ERBB4: variants seen among roughly 807,000 people sequenced by gnomAD.
ERBB4 encodes receptor tyrosine-protein kinase erbB-4.
A neutral mutation model predicts 158.0 loss-of-function variants in ERBB4; 42 were observed. The ratio of observed to expected loss-of-function variants is 0.27; its 90% CI spans 0.21 to 0.34. The LOEUF (loss-of-function observed/expected upper bound fraction) is 0.34. Among genes scored for constraint, ERBB4 ranks in the 10% least tolerant of loss-of-function variants. The pLI is 1.00. For missense variants in ERBB4, 1,333 were observed against 1,624.1 expected (o/e 0.82, Z 3.08); for synonymous variants, 583 against 558.7 (o/e 1.04, Z -0.61).
intron 4 of ERBB4, among the ~76,000 whole-genome samples, chr2:211,755,602 A>G (rs1203462013): frequency 2.0e-5 from 3 of 152,244 alleles, no homozygotes; most frequent in South Asian, 2.1e-4. Flanking sequence ...TGCTTTCACA[A>G]TGCATTATTC....
intron 4 of ERBB4, among the ~76,000 whole-genome samples, chr2:211,782,002 G>A (rs1217519912): frequency 1.3e-5 from 2 of 152,086 alleles, no homozygotes; most frequent in Non-Finnish European, 1.5e-5. Context: ...CCTGGCCCAG[G>A]TACGCTATTC....
At chr2:212,440,726 T>C (rs1157182713) in intron 1 of ERBB4, among the ~76,000 whole-genome samples, 1 of 152,170 alleles carries the variant, frequency 6.6e-6, no homozygotes, top group Non-Finnish European at 1.5e-5. Flanking sequence ...TTTAGAGAGT[T>C]ATGCAAAATA....
intron 1 of ERBB4, among the ~76,000 whole-genome samples, chr2:212,434,464 AAC>A (rs2092094672): frequency 6.6e-6 from 1 of 152,032 alleles, no homozygotes; most frequent in East Asian, 1.9e-4. Flanking sequence ...AGAACTAAGT[AAC>A]ACATATTTTT....
At chr2:211,476,948 AT>A (rs1266732909) in intron 20 of ERBB4, among the ~76,000 whole-genome samples, 4 of 152,084 alleles carry the variant, frequency 2.6e-5, no homozygotes, top group Non-Finnish European at 5.9e-5. Flanking sequence ...GGATAAACCT[AT>A]ATGTGATGGC....
In ERBB4 at chr2:211,773,941, T is replaced by C. The variant is rs904919601; in HGVS notation, c.556+14084A>G. Among the ~76,000 whole-genome samples the C allele has an allele frequency of 3.3e-5, 5 of 152,060 alleles. 1 individual carries two copies. Among genetic ancestry groups the C allele is most frequent in the Admixed American group, 6.6e-5 (1 of 15,264 alleles). ...TGTAAACCCTATTGTCGATATGGAC[T>C]CTAGAACAGGATTGTGCTGTTATCC... On this transcript the variant is annotated intron_variant, in intron 4 of 27. Coordinates refer to ENST00000342788, the MANE Select transcript of ERBB4 (RefSeq NM_005235.3).
rs182594491 is a variant in ERBB4 at position 212,100,396 on chromosome 2, C to A, written c.234+24356G>T. Among the ~76,000 whole-genome samples the A allele has an allele frequency of 1.5e-3, 222 of 152,270 alleles. 2 individuals are homozygous for A. The highest frequency in any genetic ancestry group is 1.5e-3 in the Non-Finnish European group (105 of 68,002). ...AAATTGTTCTCCCTTATCACTATAC[C>A]TGATACAAGAAATAAATAGCATTTT... is the stretch of plus-strand genomic sequence containing the variant. On this transcript the variant is annotated intron_variant, in intron 2 of 27. Transcript: ENST00000342788.
chr2:211,479,569 A>AT (rs2065033651), intron 20 of ERBB4, among the ~76,000 whole-genome samples: 2 of 152,100 alleles, frequency 1.3e-5, no homozygotes, highest in African/African-American at 4.8e-5. Context: ...TAAAATAAAT[A>AT]TTTTCTTCCT....
chr2:211,572,042 T>C (rs1474071314), intron 19 of ERBB4, among the ~76,000 whole-genome samples: 1 of 152,216 alleles, frequency 6.6e-6, no homozygotes, highest in Non-Finnish European at 1.5e-5. Context: ...TTGTATCTAA[T>C]AATTTGCCAA....
chr2:212,327,164 AAC>A (rs1355477806), intron 1 of ERBB4, among the ~76,000 whole-genome samples: 1 of 150,670 alleles, frequency 6.6e-6, no homozygotes, highest in African/African-American at 2.4e-5. Context: ...TTACATGATA[AAC>A]ACTCATTAAA....
chr2:211,611,459 T>TTTC (rs1206531465), intron 19 of ERBB4, among the ~76,000 whole-genome samples: 4 of 39,686 alleles, frequency 1.0e-4, no homozygotes, highest in Admixed American at 2.8e-4. Flanking sequence ...TGAGTCTTGC[T>TTTC]GCCACACACT....
At chr2:212,213,156 C>T (rs1043291879) in intron 1 of ERBB4, among the ~76,000 whole-genome samples, 1 of 151,660 alleles carries the variant, frequency 6.6e-6, no homozygotes, top group African/African-American at 2.4e-5. Context: ...AAAATTTTTG[C>T]AATCTACCCA....
At chr2:211,478,807 G>A (rs1574569608) in intron 20 of ERBB4, among the ~76,000 whole-genome samples, 1 of 151,896 alleles carries the variant, frequency 6.6e-6, no homozygotes, top group Admixed American at 6.6e-5. Context: ...ATGTACTAAT[G>A]GTAACATCCT....
At chr2:212,023,096 A>T (rs1342890959) in intron 2 of ERBB4, among the ~76,000 whole-genome samples, 4 of 152,116 alleles carry the variant, frequency 2.6e-5, no homozygotes, top group African/African-American at 9.7e-5. Context: ...ATATCTGCCT[A>T]GGGAGTATAG....
At chr2:212,015,126 C>A (rs2076498618) in intron 2 of ERBB4, among the ~76,000 whole-genome samples, 6 of 127,582 alleles carry the variant, frequency 4.7e-5, no homozygotes, top group African/African-American at 1.2e-4. Flanking sequence ...ATTAGCCGGG[C>A]ATGGTGGCGG....
At chr2:211,749,106 C>G (rs2075055394) in intron 5 of ERBB4, among the ~76,000 whole-genome samples, 1 of 152,016 alleles carries the variant, frequency 6.6e-6, no homozygotes, top group African/African-American at 2.4e-5. Flanking sequence ...TTCATCTAAC[C>G]CTTTGACAAA....
At chr2:212,161,150 T>G (rs1376371286) in intron 1 of ERBB4, among the ~76,000 whole-genome samples, 1 of 151,774 alleles carries the variant, frequency 6.6e-6, no homozygotes, top group African/African-American at 2.4e-5. Context: ...CAATAACAAC[T>G]CAAAAAGTCT....
At chr2:212,110,067 C>T (rs888136168) in intron 2 of ERBB4, among the ~76,000 whole-genome samples, 1 of 152,150 alleles carries the variant, frequency 6.6e-6, no homozygotes, top group South Asian at 2.1e-4. Flanking sequence ...CCCACTGCTT[C>T]ACAGGGGTAG....
chr2:212,263,148 G>A (rs978758790), intron 1 of ERBB4, among the ~76,000 whole-genome samples: 3 of 152,124 alleles, frequency 2.0e-5, no homozygotes, highest in African/African-American at 7.2e-5. Flanking sequence ...TACAAGCCAA[G>A]GAATGGCAAG....
intron 20 of ERBB4, among the ~76,000 whole-genome samples, chr2:211,493,156 G>A (rs1257957482): frequency 1.3e-5 from 2 of 152,072 alleles, no homozygotes; most frequent in African/African-American, 2.4e-5. Flanking sequence ...TAGTTGCTTC[G>A]AACCATTTTT....
Sources: allele counts gnomAD v4.1 joint callset (sites outside exome capture counted in the v4.1 genomes callset), GRCh38; gene constraint gnomAD v4.1.1; transcripts MANE v1.5; gene names NCBI Gene and HGNC (gene_info 2026-07-23, HGNC 2026-07-21).